Variants in FAM193A observed in about 807,000 individuals in gnomAD.
The protein encoded by FAM193A is family with sequence similarity 193 member A.
In FAM193A, 22 loss-of-function variants were observed where a neutral mutation model predicts 126.5. The observed-to-expected ratio is 0.17, with a 90% confidence interval of 0.12 to 0.25. FAM193A has a LOEUF of 0.25. Ranked by LOEUF, FAM193A falls within the 10% of genes least tolerant of loss-of-function variation. FAM193A has a pLI of 1.00. For synonymous variants in FAM193A, 761 were observed against 646.8 expected, an observed-to-expected ratio of 1.18 and a Z score of -2.68; for missense variants, 1,675 against 1,672.8, an observed-to-expected ratio of 1.00 and a Z score of -0.02.
intron 7 of FAM193A, among the ~76,000 whole-genome samples, chr4:2,652,093 G>C (rs1745727178): frequency 6.6e-6 from 1 of 152,168 alleles, no homozygotes. Context: ...TGGGGCTGGT[G>C]GCCTCTGTGC....
intron 6 of FAM193A, among the ~76,000 whole-genome samples, chr4:2,641,640 G>A (rs1053323843): frequency 7.9e-5 from 12 of 152,118 alleles, no homozygotes; most frequent in Non-Finnish European, 1.5e-4. Context: ...GGACCACAGA[G>A]CGAGACTCCA....
At chr4:2,565,418 C>A (rs1408227664) in intron 1 of FAM193A, among the ~76,000 whole-genome samples, 1 of 151,924 alleles carries the variant, frequency 6.6e-6, no homozygotes, top group Non-Finnish European at 1.5e-5. Context: ...CACCACCACC[C>A]GGCTAATTTT....
chr4:2,638,231 C>CTCT (rs956717052), intron 5 of FAM193A, among the ~76,000 whole-genome samples: 1 of 152,246 alleles, frequency 6.6e-6, no homozygotes, highest in African/African-American at 2.4e-5. Context: ...TCACTGCCTA[C>CTCT]TCTTCTGTTC....
chr4:2,535,643 G>C (rs1736836106), upstream of FAM193A, among the ~76,000 whole-genome samples: 1 of 151,836 alleles, frequency 6.6e-6, no homozygotes, highest in Non-Finnish European at 1.5e-5. Flanking sequence ...CGCGGAGGGA[G>C]GAGGGTCCAG....
chr4:2,598,206 G>A (rs1322309205), intron 2 of FAM193A, among the ~76,000 whole-genome samples: 1 of 152,088 alleles, frequency 6.6e-6, no homozygotes, highest in Non-Finnish European at 1.5e-5. Context: ...CCTGATTTTT[G>A]TTCCTACAGT....
intron 20 of FAM193A, among the ~76,000 whole-genome samples, chr4:2,716,429 G>A (rs1275356265): frequency 1.3e-5 from 2 of 151,338 alleles, no homozygotes; most frequent in Non-Finnish European, 2.9e-5. Flanking sequence ...GGCCAGCAGC[G>A]TCTCCTGGGG....
At chr4:2,667,188 T>C (rs2109137661) in intron 12 of FAM193A, among the ~76,000 whole-genome samples, 1 of 152,342 alleles carries the variant, frequency 6.6e-6, no homozygotes, top group South Asian at 2.1e-4. Context: ...AATTGGTTGA[T>C]GGCATTCTTC....
chr4:2,644,295 C>A (rs1255080206), intron 6 of FAM193A, among the ~76,000 whole-genome samples: 1 of 152,094 alleles, frequency 6.6e-6, no homozygotes, highest in African/African-American at 2.4e-5. Context: ...ATTCTTACTT[C>A]CAGGAGGAGC....
chr4:2,683,592 C>T (rs1341743395), intron 13 of FAM193A, among the ~76,000 whole-genome samples: 1 of 152,204 alleles, frequency 6.6e-6, no homozygotes, highest in Non-Finnish European at 1.5e-5. Flanking sequence ...GGCACCTGGC[C>T]AAGATTTTCT....
intron 5 of FAM193A, among the ~76,000 whole-genome samples, chr4:2,638,146 T>G (rs1357133122): frequency 6.6e-6 from 1 of 152,226 alleles, no homozygotes; most frequent in Non-Finnish European, 1.5e-5. Context: ...CTCAGCTAGT[T>G]GCCAACCTGG....
At chr4:2,708,040 G>C (rs546036745) in intron 19 of FAM193A, 15 of 341,506 alleles carry the variant, frequency 4.4e-5, no homozygotes, top group Non-Finnish European at 9.0e-5. Flanking sequence ...GTGAGCCACT[G>C]TGCCCAGCCT....
chr4:2,543,200 G>A (rs567400861), intron 1 of FAM193A, among the ~76,000 whole-genome samples: 1 of 151,918 alleles, frequency 6.6e-6, no homozygotes, highest in South Asian at 2.1e-4. Flanking sequence ...TGATTCTCCT[G>A]CCTCAGCCTC....
At chr4:2,671,496 G>T (rs577635810) in intron 12 of FAM193A, among the ~76,000 whole-genome samples, 2 of 152,326 alleles carry the variant, frequency 1.3e-5, no homozygotes, top group South Asian at 4.1e-4. Flanking sequence ...TGGAGTACAG[G>T]TGCAGGAAAT....
intron 2 of FAM193A, among the ~76,000 whole-genome samples, chr4:2,598,771 A>G (rs1022119773): frequency 6.6e-6 from 1 of 152,226 alleles, no homozygotes; most frequent in African/African-American, 2.4e-5. Flanking sequence ...ATTTGGCCTC[A>G]GCTGGGCTGT....
intron 20 of FAM193A, among the ~76,000 whole-genome samples, chr4:2,729,540 C>T (rs1721143251): frequency 6.6e-6 from 1 of 152,230 alleles, no homozygotes; most frequent in Admixed American, 6.5e-5. Context: ...ACTTCCACTC[C>T]TGTTCTAAAA....
At chr4:2,590,504 AAC>A (rs1560464691) in intron 1 of FAM193A, among the ~76,000 whole-genome samples, 8,107 of 83,578 alleles carry the variant, frequency 0.097, 1,477 homozygotes, top group Non-Finnish European at 0.12. Context: ...AACAAAAAAA[AAC>A]AAAAAAAAAA....
At chr4:2,603,118 A>G (rs1161088742) in intron 2 of FAM193A, among the ~76,000 whole-genome samples, 2 of 149,022 alleles carry the variant, frequency 1.3e-5, no homozygotes, top group Admixed American at 6.7e-5. Flanking sequence ...ACAGGCGCCC[A>G]CCACCATGCC....
chr4:2,538,740 T>C (rs1269540491), intron 1 of FAM193A, among the ~76,000 whole-genome samples: 5 of 152,082 alleles, frequency 3.3e-5, no homozygotes, highest in African/African-American at 1.2e-4. Context: ...ATTTTTGGTG[T>C]AGCTGGATGT....
At chr4:2,638,760 C>T (rs750079003) in intron 5 of FAM193A, among the ~76,000 whole-genome samples, 61 of 152,148 alleles carry the variant, frequency 4.0e-4, no homozygotes, top group African/African-American at 6.3e-4. Flanking sequence ...GCCCCCATAC[C>T]AACTAGGGTT....
Sources: allele counts gnomAD v4.1 joint callset (sites outside exome capture counted in the v4.1 genomes callset), GRCh38; gene constraint gnomAD v4.1.1; transcripts MANE v1.5; gene names NCBI Gene and HGNC (gene_info 2026-07-23, HGNC 2026-07-21).